The following MSTO1 variants were observed in gnomAD, a reference collection of about 807,000 sequenced individuals.
MSTO1 encodes misato mitochondrial distribution and morphology regulator 1, also known as protein misato homolog 1.
Under a neutral mutation model 55.7 loss-of-function variants are expected in MSTO1, and 24 were observed. The ratio of observed to expected loss-of-function variants is 0.43; its 90% CI spans 0.31 to 0.61. The LOEUF is 0.61. MSTO1 is among the 20% of genes least tolerant of loss of function. The pLI is 0.09. For synonymous variants in MSTO1, 162 were observed against 252.8 expected, an observed-to-expected ratio of 0.64 and a Z score of 3.41; for missense variants, 363 against 625.7, an observed-to-expected ratio of 0.58 and a Z score of 4.48.
At chr1:155,605,153 C>T in the MSTO1 span, among the ~76,000 whole-genome samples, 2 of 151,408 alleles carry the variant, frequency 1.3e-5, no homozygotes, top group African/African-American at 4.9e-5. Context: ...CCCAGCTACT[C>T]GGGAGGCTGA....
chr1:155,606,656 G>A (rs1476117413), upstream of MSTO1, among the ~76,000 whole-genome samples: 1 of 151,596 alleles, frequency 6.6e-6, no homozygotes, highest in African/African-American at 2.4e-5. Flanking sequence ...GCCTCCCAAA[G>A]TGCTGGGATT....
At chr1:155,610,110 G>A (rs397832375), upstream of MSTO1, 102 of 816,332 alleles carry the variant, frequency 1.2e-4, no homozygotes, top group Middle Eastern at 1.1e-3. Flanking sequence ...TCGGCGCATC[G>A]TTTCTCCAAT....
chr1:155,595,109 G>C, the MSTO1 span, among the ~76,000 whole-genome samples: 1 of 146,254 alleles, frequency 6.8e-6, no homozygotes, highest in African/African-American at 2.5e-5. Context: ...CTACATTACA[G>C]CCTGGGCGAC....
the MSTO1 span, among the ~76,000 whole-genome samples, chr1:155,593,938 C>T: frequency 6.6e-6 from 1 of 151,682 alleles, no homozygotes; most frequent in East Asian, 1.9e-4. Context: ...CACTGCACTC[C>T]AGCCTGGGCA....
the MSTO1 span, among the ~76,000 whole-genome samples, chr1:155,600,107 G>T: frequency 6.6e-6 from 1 of 152,176 alleles, no homozygotes; most frequent in Non-Finnish European, 1.5e-5. Flanking sequence ...GCTGGGGAAC[G>T]GTCAGGTCTT....
the MSTO1 span, among the ~76,000 whole-genome samples, chr1:155,601,071 G>T: frequency 6.8e-6 from 1 of 148,122 alleles, no homozygotes; most frequent in South Asian, 2.1e-4. Flanking sequence ...CGCCCACCTC[G>T]GCCTCCCAAA....
chr1:155,586,142 G>A, the MSTO1 span, among the ~76,000 whole-genome samples: 5,980 of 149,962 alleles, frequency 0.04, 398 homozygotes, highest in African/African-American at 0.14. Flanking sequence ...GCTAATATGA[G>A]CATCTTTATT....
rs74603138 is a variant in MSTO1, at chr1:155,612,313, T to A, written c.810T>A (p.Arg270=). Residue 270 remains arginine (R), a synonymous_variant, in exon 8 of 14, where the codon CGT becomes CGA. Transcript: ENST00000245564. ...GCCTGCTACCTGGTCCCTACCATCG[T>A]GGGGTGAGTGGAACTTAGAGAAGTA... ...TWGLLPGPYH[R]GEAQRNIYRL... is the part of the protein sequence containing the mutation. 1,645 of 1,577,824 alleles carry A rather than the reference T, an allele frequency of 1.0e-3. 19 individuals are homozygous for A. The African/African-American group carries it at 0.021, about 20-fold the overall frequency.
chr1:155,608,614 C>G (rs1213419248), upstream of MSTO1, among the ~76,000 whole-genome samples: 1 of 150,374 alleles, frequency 6.7e-6, no homozygotes, highest in Non-Finnish European at 1.5e-5. Context: ...ATTGTCCTGC[C>G]TCCGCCTCCC....
At chr1:155,582,134 G>A in the MSTO1 span, among the ~76,000 whole-genome samples, 17 of 150,280 alleles carry the variant, frequency 1.1e-4, no homozygotes, top group African/African-American at 2.9e-4. Context: ...TCTCATGATC[G>A]CCCGCCTCGG....
chr1:155,588,903 A>G, the MSTO1 span, among the ~76,000 whole-genome samples: 2 of 152,154 alleles, frequency 1.3e-5, no homozygotes, highest in East Asian at 1.9e-4. Context: ...AGGCCTATAT[A>G]TTAATACATA....
the MSTO1 span, chr1:155,586,724 G>T: frequency 4.1e-6 from 2 of 487,670 alleles, no homozygotes; most frequent in South Asian, 3.0e-5. Flanking sequence ...ACTGACGGCT[G>T]ATCTGAACAC....
At chr1:155,568,084 A>ATTATT in the MSTO1 span, among the ~76,000 whole-genome samples, 1 of 148,690 alleles carries the variant, frequency 6.7e-6, no homozygotes, top group African/African-American at 2.6e-5. Context: ...ATTTTATTTT[A>ATTATT]TTTTATTTTT....
rs113813313 is a variant in MSTO1, at chr1:155,612,620, C to T, written c.966+50C>T. 3.1e-4 allele frequency: 491 copies of T among 1,560,770 alleles called. 1 individual carries two copies. The African/African-American group carries it at 6.1e-3, about 19-fold the overall frequency. On this transcript the variant is annotated intron_variant, in intron 9 of 13. Transcript: ENST00000245564. Reference sequence around the variant, plus strand: ...ACTGCGGCAGGCTACAGGGCCTCCTCATGCTCCCAGTCAGCCGCTGTCTGT... The same window carrying T: ...ACTGCGGCAGGCTACAGGGCCTCCTTATGCTCCCAGTCAGCCGCTGTCTGT...
Position 155,610,288 on chromosome 1 carries a change from G to A in MSTO1, c.40G>A (p.Gly14Arg). ...CCGGGAGGTGCTCACACTGCAGTTG[G>A]GACATTTTGCCGGTTTCGTGGGCGC... Reference protein sequence around the residue: ...GAREVLTLQLGHFAGFVGAHW... With the variant: ...GAREVLTLQLRHFAGFVGAHW... The change falls in exon 1 of 14, where the codon GGA (glycine) becomes AGA (arginine). Residue 14 changes from glycine to arginine, a missense_variant. This residue lies in a region of MSTO1 where 94 missense variants were observed against 212.4 expected (regional missense o/e 0.44). Coordinates refer to ENST00000245564, the MANE Select transcript of MSTO1 (RefSeq NM_018116.4). 1.9e-6 allele frequency: 2 copies of A among 1,055,528 alleles called. No individual in the cohort carries two copies. Among genetic ancestry groups the A allele is most frequent in the East Asian group, 2.4e-5 (1 of 41,030 alleles). 65.4% of individuals were successfully genotyped at this position (1,055,528 alleles called of 1,614,324 possible). A position where few individuals can be genotyped will look rare whatever the true frequency, so the allele number is the denominator to read the frequency against.
At chr1:155,609,364 G>A (rs1673341442), upstream of MSTO1, among the ~76,000 whole-genome samples, 1 of 147,786 alleles carries the variant, frequency 6.8e-6, no homozygotes, top group Non-Finnish European at 1.5e-5. Context: ...GCCTGCCTCA[G>A]CCTCCCGAGT....
At chr1:155,588,117 G>A in the MSTO1 span, among the ~76,000 whole-genome samples, 1 of 151,582 alleles carries the variant, frequency 6.6e-6, no homozygotes, top group Non-Finnish European at 1.5e-5. Context: ...GCTGTGGCAG[G>A]AGAATCGCTT....
chr1:155,570,786 G>A, the MSTO1 span, among the ~76,000 whole-genome samples: 21 of 152,226 alleles, frequency 1.4e-4, no homozygotes, highest in Non-Finnish European at 1.5e-5. Flanking sequence ...TTGTGTGTGT[G>A]TTTATTTATT....
chr1:155,567,936 G>A, the MSTO1 span, among the ~76,000 whole-genome samples: 1 of 151,616 alleles, frequency 6.6e-6, no homozygotes, highest in African/African-American at 2.4e-5. Context: ...ACTTTGGGAG[G>A]CTGAGGCAGG....
Sources: gnomAD v4.1 joint callset for allele counts (sites outside exome capture counted in the v4.1 genomes callset) on GRCh38, gnomAD v4.1.1 for gene constraint, gnomAD v4.1.1 regional missense constraint, MANE v1.5 for transcripts, NCBI Gene and HGNC (gene_info 2026-07-23, HGNC 2026-07-21) for gene names.